Variants in HOXC10 observed in about 807,000 individuals in gnomAD.
HOXC10 encodes homeobox protein Hox-C10.
A neutral mutation model predicts 26.0 loss-of-function variants in HOXC10; 15 were observed. The observed-to-expected ratio is 0.58, with a 90% CI of 0.39 to 0.89. The LOEUF is 0.89. Ranked by LOEUF, HOXC10 falls within the 40% of genes least tolerant of loss-of-function variation. The probability of loss-of-function intolerance (pLI) is 0.00; values close to 1 mark genes in which losing one functional copy is unlikely to be tolerated. For missense variants in HOXC10, 446 were observed against 451.9 expected (o/e 0.99, Z 0.12); for synonymous variants, 196 against 185.5 (o/e 1.06, Z -0.46).
At position 53,985,790 on chromosome 12, in the gene HOXC10, G is replaced by C; in HGVS notation, c.531G>C (p.Arg177=). 6.2e-7 allele frequency: 1 copy of C among 1,613,746 alleles called. No individual in the cohort carries two copies. The highest frequency in any genetic ancestry group is 2.2e-5 in the East Asian group (1 of 44,858). The change falls in exon 1 of 2, where the codon CGG becomes CGC. Residue 177 remains arginine, a synonymous_variant. Transcript: ENST00000303460. ...ANDFEAPFEQ[R]ASLNPRAEHL... is the part of the protein sequence containing the mutation. ...ACTTCGAAGCCCCTTTCGAGCAGCGGGCCAGTCTCAACCCGCGCGCCGAAC... is the reference window on the plus strand; with the variant it reads ...ACTTCGAAGCCCCTTTCGAGCAGCGCGCCAGTCTCAACCCGCGCGCCGAAC...
At chr12:53,986,049 C>T in intron 1 of HOXC10, 39 bp downstream of exon 1, 2 of 1,509,106 alleles carry the variant, frequency 1.3e-6, no homozygotes, top group Non-Finnish European at 1.8e-6. Flanking sequence ...TGGGACGTTC[C>T]GGCACTTGGT....
At chr12:53,986,245 C>A (rs1465519769) in intron 1 of HOXC10, 4 of 470,028 alleles carry the variant, frequency 8.5e-6, no homozygotes, top group Admixed American at 8.1e-5. Flanking sequence ...GGTGCTAAGG[C>A]GGGGGCGGTG....
Position 53,985,883 on chromosome 12 carries a change from C to A in HOXC10, c.624C>A (p.Thr208=). Residue 208 remains threonine, a synonymous_variant, in exon 1 of 2, where the codon ACC becomes ACA. Coordinates refer to ENST00000303460, the MANE Select transcript of HOXC10 (RefSeq NM_017409.4). ...AGACCCCCAAGTCCGACAGCCAGACCCCCAGCCCCAATGAAATCAAGACGG... is the reference window on the plus strand; with the variant it reads ...AGACCCCCAAGTCCGACAGCCAGACACCCAGCCCCAATGAAATCAAGACGG... ...FPETPKSDSQ[T]PSPNEIKTEQ... is the part of the protein sequence containing the mutation. The A allele has an allele frequency of 1.9e-6, 3 of 1,613,924 alleles. No homozygotes were observed. Among genetic ancestry groups the A allele is most frequent in the Non-Finnish European group, 2.5e-6 (3 of 1,180,034 alleles).
chr12:53,986,293 C>A, intron 1 of HOXC10: 1 of 326,588 alleles, frequency 3.1e-6, no homozygotes, highest in East Asian at 5.5e-5. Flanking sequence ...TGTGCTGCAC[C>A]GGACGGGTGG....
At position 53,985,177 on chromosome 12, in the gene HOXC10, C is replaced by A; in HGVS notation, c.-83C>A. 1 of 1,083,644 alleles carries A rather than the reference C, an allele frequency of 9.2e-7. No individual in the cohort carries two copies. The highest frequency in any genetic ancestry group is 1.2e-6 in the Non-Finnish European group (1 of 830,144). 67.1% of individuals were successfully genotyped at this position (1,083,644 alleles called of 1,614,324 possible). ...CTTTTTCCTCCCTCCCCTCCAACCG[C>A]GCCCCCCCTCCCGGATGGGGAAAAA... On this transcript the variant is annotated 5_prime_UTR_variant, in exon 1 of 2. Coordinates refer to ENST00000303460, the MANE Select transcript of HOXC10 (RefSeq NM_017409.4).
Position 53,985,872 on chromosome 12 carries a change from G to T in HOXC10, c.613G>T (p.Asp205Tyr). ...KVSFPETPKS[D>Y]SQTPSPNEIK... The stretch of plus-strand genomic sequence containing the variant: ...GAGTTTCCCTGAGACCCCCAAGTCC[G>T]ACAGCCAGACCCCCAGCCCCAATGA... The change falls in exon 1 of 2, where the codon GAC becomes TAC. Residue 205 changes from aspartate to tyrosine, a missense_variant. Transcript: ENST00000303460. The T allele has an allele frequency of 6.2e-7, 1 of 1,613,826 alleles. No individual in the cohort carries two copies. Among genetic ancestry groups the T allele is most frequent in the South Asian group, 1.1e-5 (1 of 91,068 alleles).
In HOXC10 at chr12:53,990,239, A is replaced by G. The variant is rs954263663; in HGVS notation, c.*793A>G. 4 of 143,788 alleles carry G rather than the reference A, an allele frequency of 2.8e-5. No homozygotes were observed. Among genetic ancestry groups the G allele is most frequent in the Non-Finnish European group, 5.9e-5 (4 of 67,560 alleles). 8.9% of individuals were successfully genotyped at this position (143,788 alleles called of 1,614,324 possible). ...TTTGCATGTAGCTTCCTTAATGGAG[A>G]AAAAAAAACCTAATAAATTTCCAGA... On this transcript the variant is annotated 3_prime_UTR_variant, in exon 2 of 2. Coordinates refer to ENST00000303460, the MANE Select transcript of HOXC10 (RefSeq NM_017409.4).
intron 1 of HOXC10, chr12:53,986,274 C>T: frequency 2.4e-6 from 1 of 413,316 alleles, no homozygotes; most frequent in Non-Finnish European, 4.3e-6. Flanking sequence ...GGGCCGCCTG[C>T]AGGCGCAGTG....
intron 1 of HOXC10, 172 bp downstream of exon 1, chr12:53,986,182 T>A: frequency 1.4e-6 from 1 of 719,896 alleles, no homozygotes; most frequent in Non-Finnish European, 2.1e-6. Context: ...GCGCGTCACT[T>A]AGCTGGGGAA....
rs1349139724 is a variant in HOXC10, at chr12:53,985,670, C to T, written c.411C>T (p.Cys137=). The T allele has an allele frequency of 6.2e-7, 1 of 1,612,208 alleles. No individual in the cohort carries two copies. Among genetic ancestry groups the T allele is most frequent in the Admixed American group, 1.7e-5 (1 of 59,982 alleles). The change falls in exon 1 of 2, where the codon TGC becomes TGT. Residue 137 remains cysteine (C), a synonymous_variant. Coordinates refer to ENST00000303460, the MANE Select transcript of HOXC10 (RefSeq NM_017409.4). Reference sequence around the variant, plus strand: ...ACTCCCACCCCTTGCCGGAGTCCTGCCTTGGGGAGCACGAGGTACCCGTGC... The same window carrying T: ...ACTCCCACCCCTTGCCGGAGTCCTGTCTTGGGGAGCACGAGGTACCCGTGC... The part of the protein sequence containing the change: ...ALYSHPLPES[C]LGEHEVPVPS...
chr12:53,986,946 C>A (rs886755592), intron 1 of HOXC10, among the ~76,000 whole-genome samples: 2 of 152,094 alleles, frequency 1.3e-5, no homozygotes, highest in Non-Finnish European at 2.9e-5. Flanking sequence ...CCTTCGGGAT[C>A]TTTCTCTGAT....
Position 53,985,782 on chromosome 12 carries a change from G to A in HOXC10, c.523G>A (p.Glu175Lys). 6.2e-7 allele frequency: 1 copy of A among 1,613,672 alleles called. No homozygotes were observed. ...GGCCAACGACTTCGAAGCCCCTTTC[G>A]AGCAGCGGGCCAGTCTCAACCCGCG... ...SGANDFEAPF[E>K]QRASLNPRAE... is the part of the protein sequence containing the mutation. Residue 175 changes from glutamate to lysine, a missense_variant, in exon 1 of 2, where the codon GAG (glutamate) becomes AAG (lysine). Physicochemically the swap from Glu to Lys is moderately conservative, Grantham distance 56. Coordinates refer to ENST00000303460, the MANE Select transcript of HOXC10 (RefSeq NM_017409.4).
chr12:53,985,599 T>C lies in HOXC10; in HGVS notation c.340T>C (p.Tyr114His). 1.2e-6 allele frequency: 2 copies of C among 1,613,890 alleles called. No individual in the cohort carries two copies. The highest frequency in any genetic ancestry group is 1.7e-6 in the Non-Finnish European group (2 of 1,180,026). ...CAAGGAGGAGAATGTCTGCTGCATGTACAGCGCAGAGAAGCGGGCGAAAAG... is the reference window on the plus strand; with the variant it reads ...CAAGGAGGAGAATGTCTGCTGCATGCACAGCGCAGAGAAGCGGGCGAAAAG... ...SVKEENVCCM[Y>H]SAEKRAKSGP... The change falls in exon 1 of 2, where the codon TAC (tyrosine) becomes CAC (histidine). Residue 114 changes from tyrosine (Y) to histidine (H), a missense_variant. Transcript: ENST00000303460.
Position 53,989,286 on chromosome 12 carries a change from A to G in HOXC10, c.869A>G (p.Asn290Ser), listed in dbSNP as rs1321201047. 3 of 1,614,110 alleles carry G rather than the reference A, an allele frequency of 1.9e-6. No homozygotes were observed. Among genetic ancestry groups the G allele is most frequent in the Non-Finnish European group, 2.5e-6 (3 of 1,180,036 alleles). Residue 290 changes from asparagine (N) to serine (S), a missense_variant, in exon 2 of 2, where the codon AAT (asparagine) becomes AGT (serine). Transcript: ENST00000303460. ...TLELEKEFLF[N>S]MYLTRERRLE... ...GAATTGGAGAAAGAATTTCTGTTCAATATGTATTTGACGCGAGAGCGCCGC... is the reference window on the plus strand; with the variant it reads ...GAATTGGAGAAAGAATTTCTGTTCAGTATGTATTTGACGCGAGAGCGCCGC...
intron 1 of HOXC10, 166 bp downstream of exon 1, chr12:53,986,176 G>T: frequency 1.3e-6 from 1 of 751,720 alleles, no homozygotes; most frequent in South Asian, 2.4e-5. Context: ...CTGGTGGCGC[G>T]TCACTTAGCT....
rs937809517 is a variant in HOXC10 at position 53,989,919 on chromosome 12, C to CGT, written c.*478_*479dup. 1 of 156,292 alleles carries CGT rather than the reference C, an allele frequency of 6.4e-6. No individual in the cohort carries two copies. Among genetic ancestry groups the CGT allele is most frequent in the African/African-American group, 2.4e-5 (1 of 41,448 alleles). The allele number at this position is 156,292 out of a possible 1,614,324, so 9.7% of individuals were successfully genotyped here. Reference sequence around the variant, plus strand: ...CGTTTTGGAAAGTTCGGCTAGTGTTCGTGTGTTTGTCGTAGCACCCAGAGC... The same window carrying CGT: ...CGTTTTGGAAAGTTCGGCTAGTGTTCGTGTGTGTTTGTCGTAGCACCCAGAGC... On this transcript the variant is annotated 3_prime_UTR_variant, in exon 2 of 2. Transcript: ENST00000303460.
intron 1 of HOXC10, 64 bp downstream of exon 1, chr12:53,986,074 A>AG: frequency 2.0e-6 from 3 of 1,469,294 alleles, no homozygotes; most frequent in Non-Finnish European, 2.7e-6. Flanking sequence ...GCGGCCGGGG[A>AG]GGGGGGCAGG....
chr12:53,985,277 T>C lies in HOXC10; in HGVS notation c.18T>C (p.Asn6=). The C allele has an allele frequency of 6.4e-7, 1 of 1,564,310 alleles. No individual in the cohort carries two copies. Among genetic ancestry groups the C allele is most frequent in the South Asian group, 1.2e-5 (1 of 83,866 alleles). The change falls in exon 1 of 2, where the codon AAT becomes AAC. Residue 6 remains asparagine (N), a synonymous_variant. Coordinates refer to ENST00000303460, the MANE Select transcript of HOXC10 (RefSeq NM_017409.4). ...CTCTGAAAATGACATGCCCTCGCAA[T>C]GTAACTCCGAACTCGTACGCGGAGC... is the stretch of plus-strand genomic sequence containing the variant. MTCPR[N]VTPNSYAEPL...
In HOXC10 at chr12:53,985,613, G is replaced by A. The variant is rs756888993; in HGVS notation, c.354G>A (p.Lys118=). The A allele has an allele frequency of 3.1e-6, 5 of 1,613,894 alleles. No homozygotes were observed. The highest frequency in any genetic ancestry group is 4.2e-6 in the Non-Finnish European group (5 of 1,180,034). The change falls in exon 1 of 2, where the codon AAG becomes AAA. Residue 118 remains lysine, a synonymous_variant. Transcript: ENST00000303460. ...ENVCCMYSAE[K]RAKSGPEAAL... ...TCTGCTGCATGTACAGCGCAGAGAAGCGGGCGAAAAGTGGCCCCGAGGCAG... is the reference window on the plus strand; with the variant it reads ...TCTGCTGCATGTACAGCGCAGAGAAACGGGCGAAAAGTGGCCCCGAGGCAG...
Sources: allele counts gnomAD v4.1 joint callset (sites outside exome capture counted in the v4.1 genomes callset), GRCh38; gene constraint gnomAD v4.1.1; transcripts MANE v1.5; gene names NCBI Gene and HGNC (gene_info 2026-07-23, HGNC 2026-07-21).